Variants in ERG observed in about 807,000 individuals in gnomAD.
ERG encodes the protein transcriptional regulator ERG.
ERG carries 9 observed loss-of-function variants against 55.3 expected under a neutral mutation model. The observed-to-expected ratio is 0.16, with a 90% CI of 0.10 to 0.28. The LOEUF is 0.28. Ranked by LOEUF, ERG falls within the 10% of genes least tolerant of loss-of-function variation. The pLI, the probability that ERG is intolerant of heterozygous loss-of-function variation, is 1.00. For missense variants in ERG, 434 were observed against 631.6 expected (o/e 0.69, Z 3.35); for synonymous variants, 223 against 237.3 (o/e 0.94, Z 0.55).
chr21:38,490,607 G>A (rs1031736794), intron 1 of ERG, among the ~76,000 whole-genome samples: 2 of 152,344 alleles, frequency 1.3e-5, no homozygotes, highest in South Asian at 2.1e-4. Context: ...TTGAAGATCC[G>A]ATAGGGGCAC....
chr21:38,387,870 G>A (rs566897749), intron 9 of ERG, among the ~76,000 whole-genome samples: 5 of 152,298 alleles, frequency 3.3e-5, no homozygotes, highest in South Asian at 4.1e-4. Context: ...GAGAAGTGAC[G>A]AAATTGGAGC....
At chr21:38,409,019 G>A (rs989200591) in intron 3 of ERG, among the ~76,000 whole-genome samples, 2 of 152,150 alleles carry the variant, frequency 1.3e-5, no homozygotes, top group Admixed American at 6.5e-5. Context: ...GAAATGACTC[G>A]AATAGGATAA....
chr21:38,608,639 A>G (rs887274969), intron 1 of ERG, among the ~76,000 whole-genome samples: 4 of 152,210 alleles, frequency 2.6e-5, no homozygotes, highest in Admixed American at 2.6e-4. Context: ...CAGGACCTAA[A>G]GCTGAGGGTT....
At chr21:38,591,857 C>G (rs1391714273) in intron 1 of ERG, among the ~76,000 whole-genome samples, 2 of 152,218 alleles carry the variant, frequency 1.3e-5, no homozygotes, top group African/African-American at 4.8e-5. Context: ...GCCCTCAAGG[C>G]ATTTACAAAC....
chr21:38,524,549 G>A (rs1192816397), intron 2 of ERG, among the ~76,000 whole-genome samples: 3 of 152,160 alleles, frequency 2.0e-5, no homozygotes, highest in Non-Finnish European at 4.4e-5. Context: ...CCTGAATAAA[G>A]CTGTTGCTGA....
intron 1 of ERG, among the ~76,000 whole-genome samples, chr21:38,449,983 A>G (rs1374710353): frequency 6.6e-6 from 1 of 152,172 alleles, no homozygotes; most frequent in African/African-American, 2.4e-5. Flanking sequence ...TGGATTATCA[A>G]ACCCACCTTC....
At chr21:38,583,048 T>C (rs2060039697) in intron 1 of ERG, among the ~76,000 whole-genome samples, 1 of 152,256 alleles carries the variant, frequency 6.6e-6, no homozygotes, top group African/African-American at 2.4e-5. Context: ...TAACTAGTCA[T>C]TAAGTGAAAA....
intron 1 of ERG, among the ~76,000 whole-genome samples, chr21:38,582,707 A>G (rs1203406044): frequency 6.6e-6 from 1 of 152,252 alleles, no homozygotes; most frequent in African/African-American, 2.4e-5. Context: ...AAGAAAGTAA[A>G]AATATTTCAA....
At chr21:38,427,498 G>A (rs1021443896) in intron 2 of ERG, among the ~76,000 whole-genome samples, 1 of 152,214 alleles carries the variant, frequency 6.6e-6, no homozygotes, top group Non-Finnish European at 1.5e-5. Context: ...CCACTTTCCA[G>A]AGGTGTGAAC....
the ERG span, among the ~76,000 whole-genome samples, chr21:38,370,972 G>T: frequency 6.6e-6 from 1 of 150,760 alleles, no homozygotes; most frequent in Non-Finnish European, 1.5e-5. Context: ...TTTTTCAGAG[G>T]AATTGCAGTG....
intron 1 of ERG, among the ~76,000 whole-genome samples, chr21:38,659,196 T>C (rs1221750718): frequency 6.6e-6 from 1 of 152,202 alleles, no homozygotes; most frequent in Non-Finnish European, 1.5e-5. Flanking sequence ...GCAAATAGCA[T>C]TTGTGATGTG....
intron 1 of ERG, among the ~76,000 whole-genome samples, chr21:38,478,153 A>G (rs555842359): frequency 6.6e-6 from 1 of 152,334 alleles, no homozygotes; most frequent in East Asian, 1.9e-4. Flanking sequence ...GGCCCCAATA[A>G]CAGTTTTGGA....
chr21:38,451,815 G>C (rs2058944526), intron 1 of ERG, among the ~76,000 whole-genome samples: 1 of 152,142 alleles, frequency 6.6e-6, no homozygotes, highest in South Asian at 2.1e-4. Flanking sequence ...GATGCCACCA[G>C]TATCTCATTA....
At chr21:38,423,083 T>C (rs916248327) in intron 3 of ERG, among the ~76,000 whole-genome samples, 2 of 90,704 alleles carry the variant, frequency 2.2e-5, no homozygotes, top group Admixed American at 1.1e-4. Context: ...TCTCCATACG[T>C]AGTGTGTGTG....
intron 2 of ERG, among the ~76,000 whole-genome samples, chr21:38,531,124 C>T (rs951775235): frequency 3.9e-5 from 6 of 152,136 alleles, no homozygotes; most frequent in East Asian, 1.9e-4. Context: ...GACCTGAACA[C>T]GTGGAGCTTA....
chr21:38,493,785 C>T (rs146767372), intron 1 of ERG, among the ~76,000 whole-genome samples: 98 of 152,288 alleles, frequency 6.4e-4, no homozygotes, highest in African/African-American at 2.3e-3. Context: ...TTAACAAGCA[C>T]CCCTGCAAGC....
At chr21:38,411,392 A>T (rs775596407) in intron 3 of ERG, among the ~76,000 whole-genome samples, 47 of 152,154 alleles carry the variant, frequency 3.1e-4, no homozygotes, top group Non-Finnish European at 8.8e-5. Flanking sequence ...ATCTGGGCTC[A>T]CTGCAACCTC....
intron 2 of ERG, among the ~76,000 whole-genome samples, chr21:38,555,571 TAAC>T (rs1482955362): frequency 6.6e-6 from 1 of 152,150 alleles, no homozygotes; most frequent in Non-Finnish European, 1.5e-5. Context: ...TTTGTTCAGT[TAAC>T]AAGTTTTTAT....
chr21:38,552,075 A>G (rs1166570914), intron 2 of ERG, among the ~76,000 whole-genome samples: 1 of 151,982 alleles, frequency 6.6e-6, no homozygotes, highest in Non-Finnish European at 1.5e-5. Flanking sequence ...GTTGAATTGG[A>G]CCCTTTATCA....
Sources: gnomAD v4.1 joint callset for allele counts (sites outside exome capture counted in the v4.1 genomes callset) on GRCh38, gnomAD v4.1.1 for gene constraint, MANE v1.5 for transcripts, NCBI Gene and HGNC (gene_info 2026-07-23, HGNC 2026-07-21) for gene names.